The following PREX1 variants were observed in gnomAD, a reference collection of about 807,000 sequenced individuals.
PREX1 encodes the protein phosphatidylinositol-3,4,5-trisphosphate dependent Rac exchange factor 1, also known as phosphatidylinositol 3,4,5-trisphosphate-dependent Rac exchanger 1 protein.
In PREX1, 41 loss-of-function variants were observed where a neutral mutation model predicts 198.3. That is an observed-to-expected ratio of 0.21 (90% confidence interval 0.16 to 0.27). The LOEUF is 0.27. Ranked by LOEUF, PREX1 falls within the 10% of genes least tolerant of loss-of-function variation. The probability of loss-of-function intolerance (pLI) is 1.00; values close to 1 mark genes in which losing one functional copy is unlikely to be tolerated. For missense variants in PREX1, 1,620 were observed against 2,200.7 expected, an observed-to-expected ratio of 0.74 and a Z score of 5.28; for synonymous variants, 843 against 887.2, an observed-to-expected ratio of 0.95 and a Z score of 0.89.
chr20:48,750,403 T>G (rs996517307), intron 1 of PREX1, among the ~76,000 whole-genome samples: 4 of 152,224 alleles, frequency 2.6e-5, no homozygotes, highest in Non-Finnish European at 5.9e-5. Flanking sequence ...GGCTTCCCAC[T>G]GCACTTAAAA....
chr20:48,702,337 T>G (rs968054517), intron 6 of PREX1, among the ~76,000 whole-genome samples: 1 of 151,918 alleles, frequency 6.6e-6, no homozygotes, highest in South Asian at 2.1e-4. Flanking sequence ...GGCAGAGAGA[T>G]CCCAAAGTCC....
chr20:48,723,286 G>T (rs987050915), intron 5 of PREX1, among the ~76,000 whole-genome samples: 3 of 152,236 alleles, frequency 2.0e-5, no homozygotes, highest in Non-Finnish European at 4.4e-5. Context: ...GAAGCCAGAG[G>T]GGGTGGGCTG....
At chr20:48,670,868 C>T (rs889955200) in intron 14 of PREX1, among the ~76,000 whole-genome samples, 2 of 152,140 alleles carry the variant, frequency 1.3e-5, no homozygotes, top group South Asian at 2.1e-4. Flanking sequence ...GTGTGCCCTG[C>T]GGCAAGTTAC....
At chr20:48,639,934 G>A in intron 29 of PREX1, 40 bp from the exon 30 acceptor site, 3 of 1,607,534 alleles carry the variant, frequency 1.9e-6, no homozygotes, top group Non-Finnish European at 2.6e-6. Context: ...GGAAGGGACG[G>A]AGGTAGTGTT....
intron 4 of PREX1, 57 bp from the exon 5 acceptor site, chr20:48,726,448 C>T: frequency 1.6e-6 from 2 of 1,241,844 alleles, no homozygotes; most frequent in Non-Finnish European, 1.2e-6. Flanking sequence ...AGGGACATAG[C>T]CACCCTCAAC....
intron 7 of PREX1, among the ~76,000 whole-genome samples, chr20:48,694,631 C>A (rs1307353522): frequency 6.6e-6 from 1 of 152,218 alleles, no homozygotes; most frequent in African/African-American, 2.4e-5. Context: ...GCTGTATGCT[C>A]ACCAAGAGCC....
intron 1 of PREX1, among the ~76,000 whole-genome samples, chr20:48,805,114 C>CG (rs1488717521): frequency 2.2e-4 from 34 of 152,200 alleles, no homozygotes; most frequent in African/African-American, 7.0e-4. Context: ...TCCTTACCAC[C>CG]GGGCTGCCAG....
the PREX1 span, among the ~76,000 whole-genome samples, chr20:48,837,564 C>T: frequency 2.4e-4 from 37 of 152,306 alleles, no homozygotes; most frequent in African/African-American, 8.2e-4. Context: ...CAATCTAAAG[C>T]AGGAACAGAA....
chr20:48,793,022 T>C (rs539949001), intron 1 of PREX1, among the ~76,000 whole-genome samples: 8 of 152,066 alleles, frequency 5.3e-5, no homozygotes, highest in South Asian at 4.1e-4. Context: ...CTGGCCAACA[T>C]TGCGATACCC....
At chr20:48,654,727 G>GT (rs746906151) in intron 19 of PREX1, among the ~76,000 whole-genome samples, 2 of 152,198 alleles carry the variant, frequency 1.3e-5, no homozygotes, top group Non-Finnish European at 2.9e-5. Flanking sequence ...AAAAATTTAT[G>GT]TTTAAACTTT....
rs6066806 is a variant in PREX1 at position 48,645,925 on chromosome 20, C to T, written c.3438G>A (p.Lys1146=). 6.2e-7 allele frequency: 1 copy of T among 1,614,212 alleles called. No individual in the cohort carries two copies. Among genetic ancestry groups the T allele is most frequent in the Non-Finnish European group, 8.5e-7 (1 of 1,180,032 alleles). Residue 1146 remains lysine (K), a synonymous_variant, in exon 26 of 40, where the codon AAG becomes AAA. Transcript: ENST00000371941. ...MDRSDHGGIK[K]VCFKVAEEDQ... is the part of the protein sequence containing the mutation. The stretch of plus-strand genomic sequence containing the variant: ...CCTCCTCGGCCACCTTGAAGCACAC[C>T]TTCTTGATGCCCCCATGGTCACTCC...
chr20:48,648,606 C>A lies in PREX1; in HGVS notation c.3305+694G>T, dbSNP rs117967200. Among the ~76,000 whole-genome samples the A allele has an allele frequency of 2.9e-3, 439 of 152,314 alleles. 10 individuals are homozygous for A. In the East Asian group the frequency reaches 0.06, roughly 21 times the overall value. ...GCACCCAGTCTGTGGACAAACACCC[C>A]TGATTGTCTCAAAATGCCTCCCCAC... On this transcript the variant is annotated intron_variant, in intron 25 of 39. Coordinates refer to ENST00000371941, the MANE Select transcript of PREX1 (RefSeq NM_020820.4).
At chr20:48,812,206 T>C (rs1294808995) in intron 1 of PREX1, among the ~76,000 whole-genome samples, 1 of 152,048 alleles carries the variant, frequency 6.6e-6, no homozygotes, top group Non-Finnish European at 1.5e-5. Context: ...GGACTGTCAT[T>C]GTGAAAAACT....
chr20:48,818,779 C>G lies in PREX1; in HGVS notation c.219+8863G>C, dbSNP rs139879845. ...GCAAATGAGTTTCCTGAACAGAAAA[C>G]AAGGGGCACCTTCCTTTGTCTCAGG... On this transcript the variant is annotated intron_variant, in intron 1 of 39. Transcript: ENST00000371941. Among the ~76,000 whole-genome samples the G allele has an allele frequency of 3.9e-4, 60 of 152,332 alleles. No individual in the cohort carries two copies. In the East Asian group the frequency reaches 0.011, roughly 28 times the overall value.
intron 29 of PREX1, among the ~76,000 whole-genome samples, chr20:48,640,945 G>C (rs1361479859): frequency 1.3e-5 from 2 of 151,872 alleles, no homozygotes; most frequent in Non-Finnish European, 2.9e-5. Flanking sequence ...GGGGTGGATG[G>C]ACGGATGGAT....
chr20:48,625,771 G>C lies in PREX1; in HGVS notation c.*114C>G, dbSNP rs1601021708. 2.4e-6 allele frequency: 3 copies of C among 1,275,074 alleles called. No individual in the cohort carries two copies. The highest frequency in any genetic ancestry group is 5.8e-5 in the East Asian group (2 of 34,202). 79.0% of individuals were successfully genotyped at this position (1,275,074 alleles called of 1,614,324 possible). ...CAGGGAGGACGCTGGGCAGGTCCCGGAACGGGCGGCTGCGGAAGCCTTGGG... is the reference window on the plus strand; with the variant it reads ...CAGGGAGGACGCTGGGCAGGTCCCGCAACGGGCGGCTGCGGAAGCCTTGGG... On this transcript the variant is annotated 3_prime_UTR_variant, in exon 40 of 40. Coordinates refer to ENST00000371941, the MANE Select transcript of PREX1 (RefSeq NM_020820.4).
intron 37 of PREX1, among the ~76,000 whole-genome samples, chr20:48,629,051 G>A (rs906410283): frequency 6.6e-6 from 1 of 152,192 alleles, no homozygotes; most frequent in Non-Finnish European, 1.5e-5. Flanking sequence ...GCACTCTGGA[G>A]AAGGTGACCT....
rs549312053 is a variant in PREX1, at chr20:48,784,161, T to G, written c.220-36281A>C. ...ACCACATAAGAAGTTCCAAAGGAAC[T>G]TTTCTGACCATCAGAGAGTGCACAA... On this transcript the variant is annotated intron_variant, in intron 1 of 39. Coordinates refer to ENST00000371941, the MANE Select transcript of PREX1 (RefSeq NM_020820.4). 5.3e-5 allele frequency among the ~76,000 whole-genome samples: 8 copies of G among 152,270 alleles called. No homozygotes were observed. In the East Asian group the frequency reaches 1.5e-3, roughly 29 times the overall value.
chr20:48,752,612 G>A (rs539452979), intron 1 of PREX1, among the ~76,000 whole-genome samples: 6 of 152,288 alleles, frequency 3.9e-5, no homozygotes, highest in African/African-American at 1.4e-4. Context: ...TGAGGCACTC[G>A]ATGGACACTA....
Sources: allele counts gnomAD v4.1 joint callset (sites outside exome capture counted in the v4.1 genomes callset), GRCh38; gene constraint gnomAD v4.1.1; transcripts MANE v1.5; gene names NCBI Gene and HGNC (gene_info 2026-07-23, HGNC 2026-07-21).